Variants in CUX1 observed in about 807,000 individuals in gnomAD.
CUX1 encodes the protein protein CASP.
Under a neutral mutation model 158.8 loss-of-function variants are expected in CUX1, and 31 were observed. The ratio of observed to expected loss-of-function variants is 0.20; its 90% CI spans 0.15 to 0.26. The LOEUF is 0.26. Ranked by LOEUF, CUX1 falls within the 10% of genes least tolerant of loss-of-function variation. CUX1 has a pLI of 1.00. For synonymous variants in CUX1, 879 were observed against 862.1 expected, an observed-to-expected ratio of 1.02 and a Z score of -0.34; for missense variants, 1,589 against 2,014.6, an observed-to-expected ratio of 0.79 and a Z score of 4.04.
Position 102,254,210 on chromosome 7 carries a change from T to C in CUX1, c.*5168T>C. The C allele has an allele frequency of 1.0e-6, 1 of 985,338 alleles. No homozygotes were observed. The highest frequency in any genetic ancestry group is 1.7e-5 in the African/African-American group (1 of 57,292). 61.0% of individuals were successfully genotyped at this position (985,338 alleles called of 1,614,324 possible). Reference sequence around the variant, plus strand: ...GGGCGTGGTCTCGGGGCTCCGAGGGTCTTGTCTTTGGTCCGCCTTCCTTTC... The same window carrying C: ...GGGCGTGGTCTCGGGGCTCCGAGGGCCTTGTCTTTGGTCCGCCTTCCTTTC... On this transcript the variant is annotated 3_prime_UTR_variant, in exon 24 of 24. Transcript: ENST00000292535.
In CUX1 at chr7:102,248,941, G is replaced by T; in HGVS notation, c.4417G>T (p.Asp1473Tyr). ...GGCCGCGGGCGCCCGGGACTCGCGC[G>T]ACAACCCCCTGCGCAAGAAGAAGGC... The part of the protein sequence containing the change: ...PEAAGARDSR[D>Y]NPLRKKKAAN... Residue 1473 changes from aspartate to tyrosine, a missense_variant, in exon 24 of 24, where the codon GAC (aspartate) becomes TAC (tyrosine). Physicochemically the swap from Asp to Tyr is radical, Grantham distance 160. Transcript: ENST00000292535. This position sits in a 1 kb window ranked among gnomAD's most constrained non-coding sequence, Gnocchi z 5.8. The T allele has an allele frequency of 6.7e-7, 1 of 1,483,606 alleles. No individual in the cohort carries two copies. The allele number at this position is 1,483,606 out of a possible 1,614,324, so 91.9% of individuals were successfully genotyped here.
At chr7:101,888,434 G>A (rs973751417) in intron 1 of CUX1, among the ~76,000 whole-genome samples, 8 of 152,126 alleles carry the variant, frequency 5.3e-5, no homozygotes, top group African/African-American at 1.9e-4. Context: ...AGACTTGTTC[G>A]TAGATTTATA....
chr7:101,816,491 CGCGAGCG>C (rs1791802458), upstream of CUX1, among the ~76,000 whole-genome samples: 1 of 139,250 alleles, frequency 7.2e-6, no homozygotes, highest in Non-Finnish European at 1.6e-5. Context: ...GGGGTGCGCG[CGCGAGCG>C]GGGAGCGGGG....
At position 102,253,459 on chromosome 7, in the gene CUX1, G is replaced by A. The variant is rs1188570177; in HGVS notation, c.*4417G>A. On this transcript the variant is annotated 3_prime_UTR_variant, in exon 24 of 24. Coordinates refer to ENST00000292535, the MANE Select transcript of CUX1 (RefSeq NM_181552.4). ...CTCTCTGACGGGCAGGTGCCTTCCC[G>A]ACTAAGGTTGGACTGGATGACTTTG... is the stretch of plus-strand genomic sequence containing the variant. 3.0e-6 allele frequency: 3 copies of A among 985,344 alleles called. No individual in the cohort carries two copies. Among genetic ancestry groups the A allele is most frequent in the African/African-American group, 1.7e-5 (1 of 57,244 alleles). The allele number at this position is 985,344 out of a possible 1,614,324, so 61.0% of individuals were successfully genotyped here. A position where few individuals can be genotyped will look rare whatever the true frequency, so the allele number is the denominator to read the frequency against.
intron 4 of CUX1, among the ~76,000 whole-genome samples, chr7:102,073,184 T>C (rs1178795001): frequency 8.2e-6 from 1 of 121,636 alleles, no homozygotes; most frequent in Non-Finnish European, 1.8e-5. Flanking sequence ...TTTTTTTTTT[T>C]TTTTTCTGAG....
chr7:101,945,544 G>A (rs1197805351), intron 2 of CUX1, among the ~76,000 whole-genome samples: 2 of 152,188 alleles, frequency 1.3e-5, no homozygotes, highest in Non-Finnish European at 2.9e-5. Flanking sequence ...TGCCGGGGAG[G>A]CAGGTCATAG....
At chr7:101,962,280 C>A (rs187572114) in intron 2 of CUX1, among the ~76,000 whole-genome samples, 3 of 152,248 alleles carry the variant, frequency 2.0e-5, no homozygotes, top group East Asian at 3.9e-4. Context: ...TCTCTCTGTC[C>A]GTGGAATCAC....
At chr7:102,103,282 C>T (rs1169184480) in intron 5 of CUX1, among the ~76,000 whole-genome samples, 1 of 152,132 alleles carries the variant, frequency 6.6e-6, no homozygotes, top group African/African-American at 2.4e-5. Context: ...CCTTCCAGCC[C>T]ACTCCCTCCA....
intron 10 of CUX1, among the ~76,000 whole-genome samples, chr7:102,174,962 C>T (rs1215777624): frequency 3.3e-5 from 5 of 151,646 alleles, no homozygotes; most frequent in African/African-American, 9.7e-5. Flanking sequence ...AAAACAAAAA[C>T]AAAAAAAACA....
intron 3 of CUX1, among the ~76,000 whole-genome samples, chr7:102,045,518 T>C (rs2129896363): frequency 6.6e-6 from 1 of 152,350 alleles, no homozygotes; most frequent in African/African-American, 2.4e-5. Context: ...CTGCTTTCTG[T>C]TGAATAAATG....
intron 9 of CUX1, among the ~76,000 whole-genome samples, 184 bp downstream of exon 9, chr7:102,158,792 C>A (rs1258812439): frequency 2.0e-5 from 3 of 152,234 alleles, no homozygotes; most frequent in Non-Finnish European, 2.9e-5. Flanking sequence ...GTCCTAGGAA[C>A]CATTTCCTTG....
At chr7:102,219,701 G>A (rs963362864) in intron 20 of CUX1, among the ~76,000 whole-genome samples, 2 of 152,208 alleles carry the variant, frequency 1.3e-5, no homozygotes, top group African/African-American at 2.4e-5. Context: ...GTAAGGAAAC[G>A]TCCAGTGGCC....
chr7:102,221,703 A>G (rs1350636728), intron 20 of CUX1, among the ~76,000 whole-genome samples: 1 of 148,872 alleles, frequency 6.7e-6, no homozygotes, highest in Non-Finnish European at 1.5e-5. Flanking sequence ...TAGCTTGCTC[A>G]CCAAGCTCCT....
intron 2 of CUX1, among the ~76,000 whole-genome samples, chr7:101,930,407 TG>T (rs1806155782): frequency 6.6e-6 from 1 of 152,212 alleles, no homozygotes; most frequent in Non-Finnish European, 1.5e-5. Context: ...TTTGAGATTA[TG>T]TCAGTCAAGA....
chr7:102,092,912 C>CAAAAAAAAAAAAA (rs60587564), intron 4 of CUX1, among the ~76,000 whole-genome samples: 2 of 74,930 alleles, frequency 2.7e-5, no homozygotes, highest in East Asian at 6.3e-4. Context: ...GACTCCGTCT[C>CAAAAAAAAAAAAA]AAAAAAAAAA....
intron 2 of CUX1, among the ~76,000 whole-genome samples, chr7:101,946,303 C>T (rs1016343353): frequency 1.3e-5 from 2 of 151,952 alleles, no homozygotes; most frequent in Admixed American, 6.6e-5. Context: ...CTTTGGCAGG[C>T]CAAGGCATGT....
Position 102,250,758 on chromosome 7 carries a change from G to A in CUX1, c.*1716G>A, listed in dbSNP as rs1801423875. On this transcript the variant is annotated 3_prime_UTR_variant, in exon 24 of 24. Transcript: ENST00000292535. ...CTCCCTTGTCTATGTGTATATGCGTGAGAATAGAGGCGGGTGAGAGTGTGC... is the reference window on the plus strand; with the variant it reads ...CTCCCTTGTCTATGTGTATATGCGTAAGAATAGAGGCGGGTGAGAGTGTGC... The A allele has an allele frequency of 1.4e-5, 14 of 985,454 alleles. No individual in the cohort carries two copies. The highest frequency in any genetic ancestry group is 1.4e-5 in the Non-Finnish European group (12 of 829,948). 61.0% of individuals were successfully genotyped at this position (985,454 alleles called of 1,614,324 possible).
At chr7:101,874,506 CT>C (rs1798910236) in intron 1 of CUX1, among the ~76,000 whole-genome samples, 1 of 152,228 alleles carries the variant, frequency 6.6e-6, no homozygotes, top group Non-Finnish European at 1.5e-5. Flanking sequence ...GGCGCATCGC[CT>C]TGGTGCCAGG....
intron 2 of CUX1, among the ~76,000 whole-genome samples, chr7:101,997,004 T>C (rs1040224479): frequency 4.6e-5 from 7 of 152,064 alleles, no homozygotes; most frequent in Non-Finnish European, 1.0e-4. Flanking sequence ...TGCGCTCGTG[T>C]GCACTCCGGC....
Sources: allele counts gnomAD v4.1 joint callset (sites outside exome capture counted in the v4.1 genomes callset), GRCh38; gene constraint gnomAD v4.1.1; non-coding constraint Gnocchi (gnomAD v3.1); transcripts MANE v1.5; gene names NCBI Gene and HGNC (gene_info 2026-07-23, HGNC 2026-07-21).